TCF12: variants seen among roughly 807,000 people sequenced by gnomAD.
TCF12 encodes DNA-binding protein HTF4.
Under a neutral mutation model 86.0 loss-of-function variants are expected in TCF12, and 45 were observed. The observed-to-expected ratio is 0.52, with a 90% CI of 0.41 to 0.67. TCF12 has a LOEUF of 0.67. Among genes scored for constraint, TCF12 ranks in the 30% least tolerant of loss-of-function variants. The pLI is 0.00. For synonymous variants in TCF12, 330 were observed against 299.6 expected, an observed-to-expected ratio of 1.10 and a Z score of -1.05; for missense variants, 881 against 859.9, an observed-to-expected ratio of 1.02 and a Z score of -0.31.
At chr15:57,091,012 T>C (rs1235092660) in intron 4 of TCF12, among the ~76,000 whole-genome samples, 1 of 152,230 alleles carries the variant, frequency 6.6e-6, no homozygotes, top group Admixed American at 6.5e-5. Flanking sequence ...AAAAAATATG[T>C]TTTAAACTAT....
At chr15:57,158,521 ACTGTGTG>A (rs1427375103) in intron 5 of TCF12, among the ~76,000 whole-genome samples, 2 of 152,106 alleles carry the variant, frequency 1.3e-5, no homozygotes, top group African/African-American at 2.4e-5. Context: ...CCCAGGTCTG[ACTGTGTG>A]CTTTTATCAG....
At chr15:57,035,815 C>G (rs1230578796) in intron 3 of TCF12, among the ~76,000 whole-genome samples, 1 of 152,152 alleles carries the variant, frequency 6.6e-6, no homozygotes, top group African/African-American at 2.4e-5. Flanking sequence ...GGTCCCCAAA[C>G]CCCTGGGCAC....
intron 13 of TCF12, among the ~76,000 whole-genome samples, chr15:57,250,799 G>A (rs2152005650): frequency 6.6e-6 from 1 of 152,064 alleles, no homozygotes; most frequent in Non-Finnish European, 1.5e-5. Flanking sequence ...GGGAGGCAGA[G>A]GCAGGAGAAT....
At chr15:56,962,594 G>A (rs561981225) in intron 3 of TCF12, among the ~76,000 whole-genome samples, 112 of 152,190 alleles carry the variant, frequency 7.4e-4, no homozygotes, top group African/African-American at 2.6e-3. Flanking sequence ...AACAAAAAGC[G>A]AACCCAGACC....
At chr15:57,024,603 A>C (rs1596177199) in intron 3 of TCF12, among the ~76,000 whole-genome samples, 1 of 152,248 alleles carries the variant, frequency 6.6e-6, no homozygotes, top group African/African-American at 2.4e-5. Flanking sequence ...CAGCTTTATT[A>C]ATGATAAGAT....
chr15:57,158,392 C>G (rs141926426), intron 5 of TCF12, among the ~76,000 whole-genome samples: 3,995 of 152,004 alleles, frequency 0.026, 168 homozygotes, highest in African/African-American at 0.091. Flanking sequence ...GTTGCCCAGG[C>G]TGGTCTCGAA....
At chr15:57,192,704 T>G (rs1378527364) in intron 7 of TCF12, among the ~76,000 whole-genome samples, 1 of 152,186 alleles carries the variant, frequency 6.6e-6, no homozygotes, top group Non-Finnish European at 1.5e-5. Flanking sequence ...GTGCTTTTAA[T>G]TAGAAGAGAG....
intron 8 of TCF12, among the ~76,000 whole-genome samples, chr15:57,198,789 A>G (rs1566903794): frequency 1.3e-5 from 2 of 152,138 alleles, no homozygotes; most frequent in Non-Finnish European, 2.9e-5. Context: ...GTGCCGCCAG[A>G]TGAGTCAGCT....
chr15:57,227,244 A>G (rs1000073230), intron 8 of TCF12, among the ~76,000 whole-genome samples: 2 of 152,140 alleles, frequency 1.3e-5, no homozygotes, highest in African/African-American at 2.4e-5. Flanking sequence ...TTTTTTCTCA[A>G]TAACAGAAAG....
At chr15:57,060,239 G>T (rs567558844) in intron 3 of TCF12, among the ~76,000 whole-genome samples, 54 of 152,246 alleles carry the variant, frequency 3.5e-4, no homozygotes, top group African/African-American at 1.3e-3. Context: ...GATTGCTTTT[G>T]TTAAGTTCAC....
At chr15:57,264,808 C>T (rs2060771858) in intron 18 of TCF12, among the ~76,000 whole-genome samples, 1 of 152,118 alleles carries the variant, frequency 6.6e-6, no homozygotes, top group South Asian at 2.1e-4. Context: ...TGGCTCATTG[C>T]AACCTCTGCC....
intron 5 of TCF12, among the ~76,000 whole-genome samples, chr15:57,125,579 A>T (rs1305660194): frequency 2.6e-5 from 4 of 152,230 alleles, no homozygotes; most frequent in African/African-American, 9.6e-5. Context: ...CTGAACAGCC[A>T]TGGTAATGGG....
At chr15:57,216,840 T>C (rs1430442778) in intron 8 of TCF12, among the ~76,000 whole-genome samples, 1 of 152,106 alleles carries the variant, frequency 6.6e-6, no homozygotes, top group Admixed American at 6.6e-5. Flanking sequence ...AGAAAAATGC[T>C]GTTTTGGAGC....
chr15:57,087,429 T>TA (rs1567395482), intron 4 of TCF12, among the ~76,000 whole-genome samples: 5 of 146,750 alleles, frequency 3.4e-5, no homozygotes, highest in East Asian at 3.9e-4. Flanking sequence ...AAAAAAAAAT[T>TA]TATATATATA....
chr15:57,219,065 T>C, intron 8 of TCF12: 1 of 1,053,606 alleles, frequency 9.5e-7, no homozygotes. Flanking sequence ...ATGGTAACGC[T>C]GGAGGTGTAG....
intron 6 of TCF12, among the ~76,000 whole-genome samples, chr15:57,167,228 A>G (rs760534030): frequency 6.6e-6 from 1 of 152,228 alleles, no homozygotes; most frequent in South Asian, 2.1e-4. Flanking sequence ...GTTTTACATA[A>G]CATCCTGTTT....
intron 3 of TCF12, among the ~76,000 whole-genome samples, chr15:56,945,149 A>G (rs1465103324): frequency 6.6e-6 from 1 of 152,194 alleles, no homozygotes; most frequent in African/African-American, 2.4e-5. Context: ...GTATATAAAA[A>G]TAGTGATTGA....
chr15:57,077,746 T>TAA (rs369413643), intron 4 of TCF12, among the ~76,000 whole-genome samples: 53 of 148,602 alleles, frequency 3.6e-4, no homozygotes, highest in Non-Finnish European at 5.2e-4. Context: ...TGTAGTTTTT[T>TAA]AAAAAAAAAA....
At chr15:56,927,450 A>G (rs1271706565) in intron 3 of TCF12, among the ~76,000 whole-genome samples, 1 of 152,046 alleles carries the variant, frequency 6.6e-6, no homozygotes, top group Non-Finnish European at 1.5e-5. Flanking sequence ...ATGTTAGTTC[A>G]TTTATGTCCT....
Sources: gnomAD v4.1 joint callset for allele counts (sites outside exome capture counted in the v4.1 genomes callset) on GRCh38, gnomAD v4.1.1 for gene constraint, MANE v1.5 for transcripts, NCBI Gene and HGNC (gene_info 2026-07-23, HGNC 2026-07-21) for gene names.